Variants in CERS5 observed in about 807,000 individuals in gnomAD.
CERS5 encodes the protein ceramide synthase 5.
CERS5 carries 37 observed loss-of-function variants against 58.9 expected under a neutral mutation model. The observed-to-expected ratio is 0.63, with a 90% CI of 0.48 to 0.83. CERS5 has a LOEUF of 0.83. Among genes scored for constraint, CERS5 ranks in the 40% least tolerant of loss-of-function variants. The pLI is 0.00. For synonymous variants in CERS5, 147 were observed against 177.8 expected, an observed-to-expected ratio of 0.83 and a Z score of 1.38; for missense variants, 398 against 489.3, an observed-to-expected ratio of 0.81 and a Z score of 1.76.
Position 50,143,201 on chromosome 12 carries a change from G to C in CERS5, c.307C>G (p.Pro103Ala), listed in dbSNP as rs758656641. ...AGGCCCTCCAGCCTTTTCTTATCAG[G>C]ATACTGTGAATGTATAACCAGAGTC... Reference protein sequence around the residue: ...EKVFISITKYPDKKRLEGLSK... With the variant: ...EKVFISITKYADKKRLEGLSK... The change falls in exon 3 of 10, where the codon CCT (proline) becomes GCT (alanine). Residue 103 changes from proline to alanine, a missense_variant. By Grantham distance (27) the Pro-to-Ala change is conservative. Coordinates refer to ENST00000317551, the MANE Select transcript of CERS5 (RefSeq NM_147190.5). 1.2e-6 allele frequency: 2 copies of C among 1,613,986 alleles called. No homozygotes were observed. The highest frequency in any genetic ancestry group is 1.7e-6 in the Non-Finnish European group (2 of 1,179,978).
chr12:50,136,209 A>G (rs1951691717), intron 6 of CERS5, 140 bp from the exon 7 acceptor site: 2 of 674,184 alleles, frequency 3.0e-6, no homozygotes, highest in Non-Finnish European at 2.2e-6. Context: ...GAGGTGGCTC[A>G]TGCCTGTAAT....
At chr12:50,161,781 A>G (rs1405378358) in intron 1 of CERS5, among the ~76,000 whole-genome samples, 1 of 138,322 alleles carries the variant, frequency 7.2e-6, no homozygotes, top group Non-Finnish European at 1.6e-5. Flanking sequence ...CGTCTCAAAA[A>G]AAGAAAAAAA....
At position 50,137,739 on chromosome 12, in the gene CERS5, T is replaced by C. The variant is rs1473551869; in HGVS notation, c.625A>G (p.Ile209Val). 6.3e-7 allele frequency: 1 copy of C among 1,594,726 alleles called. No individual in the cohort carries two copies. Among genetic ancestry groups the C allele is most frequent in the Non-Finnish European group, 8.6e-7 (1 of 1,164,524 alleles). Residue 209 changes from isoleucine to valine, a missense_variant, in exon 6 of 10, where the codon ATT (isoleucine) becomes GTT (valine). Physicochemically the swap from Ile to Val is conservative, Grantham distance 29. This residue lies in a region of CERS5 where 328 missense variants were observed against 384.5 expected (regional missense o/e 0.85). Coordinates refer to ENST00000317551, the MANE Select transcript of CERS5 (RefSeq NM_147190.5). ...WSLMFSQFTD[I>V]KRKDFLIMFV... is the part of the protein sequence containing the mutation. ...GCCAACGTCCTTACCTTTCTTTTAA[T>C]GTCTGTAAACTGAGAAAACATAAGG...
intron 4 of CERS5, among the ~76,000 whole-genome samples, chr12:50,139,830 A>C (rs573195338): frequency 6.6e-6 from 1 of 152,194 alleles, no homozygotes; most frequent in Admixed American, 6.5e-5. Flanking sequence ...AAATGTATCC[A>C]TTGTTTTTCT....
At chr12:50,152,288 C>T (rs1455193473) in intron 1 of CERS5, among the ~76,000 whole-genome samples, 1 of 152,058 alleles carries the variant, frequency 6.6e-6, no homozygotes, top group African/African-American at 2.4e-5. Flanking sequence ...TACTTTAGAC[C>T]AAATCAAGGT....
intron 8 of CERS5, chr12:50,135,311 GTGTGTGTGTGTGT>G: frequency 1.6e-4 from 4 of 25,586 alleles, no homozygotes; most frequent in South Asian, 1.2e-3. Context: ...AGAGAGGAGT[GTGTGTGTGTGTGT>G]GTGTGTGTGT....
intron 4 of CERS5, among the ~76,000 whole-genome samples, chr12:50,140,278 T>C (rs905651702): frequency 2.8e-5 from 4 of 140,484 alleles, no homozygotes; most frequent in Non-Finnish European, 6.0e-5. Context: ...GTTGTTTAAC[T>C]TCCAAATTTT....
rs185176923 is a variant in CERS5 at position 50,156,568 on chromosome 12, G to A, written c.197+10533C>T. 2.7e-3 allele frequency among the ~76,000 whole-genome samples: 403 copies of A among 151,292 alleles called. 1 individual carries two copies. The highest frequency in any genetic ancestry group is 4.9e-3 in the Non-Finnish European group (333 of 67,834). On this transcript the variant is annotated intron_variant, in intron 1 of 9. Transcript: ENST00000317551. ...CATGATCATGCCATTGCATTCCAGC[G>A]TGGCTGACAGAGTGAAGCTTAATAC...
chr12:50,131,645 G>C (rs767760374), intron 9 of CERS5, among the ~76,000 whole-genome samples: 1 of 151,428 alleles, frequency 6.6e-6, no homozygotes, highest in Non-Finnish European at 1.5e-5. Flanking sequence ...TGGATTGGCA[G>C]TCAATGAGAA....
chr12:50,137,689 T>G, intron 6 of CERS5, 39 bp downstream of exon 6: 1 of 1,068,862 alleles, frequency 9.4e-7, no homozygotes, highest in South Asian at 1.3e-5. Context: ...GAAAGGAGGA[T>G]GTAATAAGTT....
At chr12:50,160,094 C>T (rs1390742771) in intron 1 of CERS5, among the ~76,000 whole-genome samples, 3 of 151,444 alleles carry the variant, frequency 2.0e-5, no homozygotes, top group Non-Finnish European at 4.4e-5. Context: ...CACCTGAGGT[C>T]AGGAGTTCAA....
rs779659984 is a variant in CERS5 at position 50,167,216 on chromosome 12, T to A, written c.82A>T (p.Ser28Cys). ...SERFWLPENV[S>C]WADLEGPADG... is the part of the protein sequence containing the mutation. Reference sequence around the variant, plus strand: ...GCCGGCCCCTCCAGATCAGCCCAGCTCACGTTCTCGGGTAGCCAGAAGCGC... The same window carrying A: ...GCCGGCCCCTCCAGATCAGCCCAGCACACGTTCTCGGGTAGCCAGAAGCGC... Residue 28 changes from serine (S) to cysteine (C), a missense_variant, in exon 1 of 10, where the codon AGC becomes TGC. Ser to Cys is a moderately radical substitution (Grantham distance 112). Around this residue, in one of 3 missense-constraint regions of CERS5, gnomAD observed 328 missense variants for 384.5 expected, o/e 0.85. Transcript: ENST00000317551. 1 of 1,605,264 alleles carries A rather than the reference T, an allele frequency of 6.2e-7. No homozygotes were observed. Among genetic ancestry groups the A allele is most frequent in the Non-Finnish European group, 8.5e-7 (1 of 1,177,656 alleles).
intron 1 of CERS5, among the ~76,000 whole-genome samples, chr12:50,162,724 C>T (rs1233443278): frequency 2.6e-5 from 4 of 152,066 alleles, no homozygotes; most frequent in Admixed American, 6.6e-5. Flanking sequence ...CTGCCTCAGC[C>T]TCCCAAGTAG....
At chr12:50,137,041 C>A (rs1415567356) in intron 6 of CERS5, among the ~76,000 whole-genome samples, 1 of 152,160 alleles carries the variant, frequency 6.6e-6, no homozygotes, top group African/African-American at 2.4e-5. Context: ...AGTTTTAATT[C>A]ATTCCCATAA....
At chr12:50,137,461 G>GT (rs1326357695) in intron 6 of CERS5, among the ~76,000 whole-genome samples, 5 of 152,178 alleles carry the variant, frequency 3.3e-5, no homozygotes, top group African/African-American at 1.2e-4. Flanking sequence ...CTTTAGATAT[G>GT]TAAGAAGCTT....
At chr12:50,144,753 T>C in intron 1 of CERS5, 2 of 1,474,646 alleles carry the variant, frequency 1.4e-6, no homozygotes, top group Non-Finnish European at 9.2e-7. Flanking sequence ...CATATAAACT[T>C]GGTAAAATCA....
intron 8 of CERS5, chr12:50,135,457 C>G (rs555654082): frequency 1.5e-6 from 1 of 655,468 alleles, no homozygotes; most frequent in Non-Finnish European, 2.8e-6. Flanking sequence ...AGGACTGTTC[C>G]TCAGAGATGA....
chr12:50,135,147 G>GA (rs1194587352), intron 8 of CERS5, among the ~76,000 whole-genome samples: 27 of 54,766 alleles, frequency 4.9e-4, no homozygotes, highest in South Asian at 3.4e-3. Flanking sequence ...GAGAGAGAGA[G>GA]GAGGGAGGGA....
intron 9 of CERS5, 101 bp downstream of exon 9, chr12:50,134,445 C>G (rs1250895118): frequency 1.9e-6 from 3 of 1,608,830 alleles, no homozygotes; most frequent in Non-Finnish European, 2.5e-6. Context: ...GCTTGGCCTG[C>G]TTGAGTAGAT....
Sources: gnomAD v4.1 joint callset for allele counts (sites outside exome capture counted in the v4.1 genomes callset) on GRCh38, gnomAD v4.1.1 for gene constraint, gnomAD v4.1.1 regional missense constraint, MANE v1.5 for transcripts, NCBI Gene and HGNC (gene_info 2026-07-23, HGNC 2026-07-21) for gene names.